The following FANCB variants were observed in gnomAD, a reference collection of about 807,000 sequenced individuals.
The protein encoded by FANCB is Fanconi anemia group B protein.
FANCB carries 5 observed loss-of-function variants against 38.9 expected under a neutral mutation model. That is an observed-to-expected ratio of 0.13 (90% CI 0.07 to 0.27). The LOEUF (loss-of-function observed/expected upper bound fraction) is 0.27. FANCB is among the 10% of genes least tolerant of loss of function. FANCB has a pLI of 1.00. For synonymous variants in FANCB, 236 were observed against 215.4 expected (o/e 1.10, Z -0.84); for missense variants, 573 against 602.7 (o/e 0.95, Z 0.52).
chrX:14,781,475 A>C, the FANCB span, among the ~76,000 whole-genome samples: 2 of 111,691 alleles, frequency 1.8e-5, no homozygotes, highest in African/African-American at 6.5e-5. Flanking sequence ...CTTTTAAAAA[A>C]AATAAAAGAT....
chrX:14,840,327 T>C (rs1294023382), downstream of FANCB, among the ~76,000 whole-genome samples: 1 of 112,059 alleles, frequency 8.9e-6, no homozygotes, highest in Admixed American at 9.4e-5. Flanking sequence ...GGCCACCTAC[T>C]TCCAGCCTGA....
chrX:14,743,728 T>C, the FANCB span, among the ~76,000 whole-genome samples: 1 of 110,978 alleles, frequency 9.0e-6, no homozygotes, highest in African/African-American at 3.3e-5. Context: ...AAGCCAGAAG[T>C]ATGAAATCAA....
At chrX:14,858,838 A>C (rs2092434271) in intron 4 of FANCB, among the ~76,000 whole-genome samples, 1 of 111,759 alleles carries the variant, frequency 8.9e-6, no homozygotes, top group Non-Finnish European at 1.9e-5. Context: ...TTACTAAAGC[A>C]ATTTTGCTTC....
the FANCB span, among the ~76,000 whole-genome samples, chrX:14,795,441 T>C: frequency 9.0e-6 from 1 of 111,142 alleles, no homozygotes; most frequent in Non-Finnish European, 1.9e-5. Flanking sequence ...AAATCATGAG[T>C]AGTTTTAATG....
the FANCB span, among the ~76,000 whole-genome samples, chrX:14,725,756 A>T: frequency 8.9e-6 from 1 of 112,374 alleles, no homozygotes; most frequent in Admixed American, 9.5e-5. Context: ...GGAATGAGCA[A>T]ATTTTACAAT....
the FANCB span, chrX:14,690,677 CTGTG>C: frequency 2.0e-5 from 15 of 758,766 alleles, no homozygotes; most frequent in Non-Finnish European, 2.5e-5. Context: ...CTCTCTCTCT[CTGTG>C]TGTGTGTGTG....
At chrX:14,852,482 T>C (rs974125371) in intron 6 of FANCB, among the ~76,000 whole-genome samples, 2 of 110,884 alleles carry the variant, frequency 1.8e-5, no homozygotes, top group Admixed American at 1.9e-4. Context: ...GAGGATCTTA[T>C]GATGATCAGC....
the FANCB span, among the ~76,000 whole-genome samples, chrX:14,708,387 ACAGTAGGAGGGGT>A: frequency 1.3e-4 from 15 of 111,716 alleles, no homozygotes; most frequent in East Asian, 4.2e-3. Context: ...AGTCACAGAC[ACAGTAGGAGGGGT>A]CATTTGGTTG....
chrX:14,828,552 T>A, the FANCB span, among the ~76,000 whole-genome samples: 278 of 111,917 alleles, frequency 2.5e-3, 4 homozygotes, highest in African/African-American at 8.6e-3. Context: ...AGGTTGATCA[T>A]GAGATTGCAG....
the FANCB span, among the ~76,000 whole-genome samples, chrX:14,808,190 G>A: frequency 9.0e-6 from 1 of 111,688 alleles, no homozygotes; most frequent in African/African-American, 3.3e-5. Context: ...AGAGGAGGAG[G>A]GAATACTTCC....
the FANCB span, among the ~76,000 whole-genome samples, chrX:14,696,203 G>C: frequency 1.0e-5 from 1 of 97,478 alleles, no homozygotes; most frequent in East Asian, 3.5e-4. Flanking sequence ...AGGGAGAATG[G>C]GATGGAGGGA....
At chrX:14,707,961 C>A in the FANCB span, among the ~76,000 whole-genome samples, 1 of 110,574 alleles carries the variant, frequency 9.0e-6, no homozygotes, top group Non-Finnish European at 1.9e-5. Flanking sequence ...ACATTGTTAC[C>A]AGTTTCTTTT....
the FANCB span, among the ~76,000 whole-genome samples, chrX:14,710,741 T>C: frequency 8.9e-5 from 10 of 111,800 alleles, no homozygotes; most frequent in African/African-American, 2.6e-4. Flanking sequence ...TAGCAGGACA[T>C]AGCTTATCAA....
At position 14,844,514 on chromosome X, in the gene FANCB, T is replaced by C. The variant is rs2092367373; in HGVS notation, c.2154A>G (p.Ile718Met). ...KQRTPFEGIL[I>M]IYSRNQTVMF... is the part of the protein sequence containing the mutation. Reference sequence around the variant, plus strand: ...TTAATATGCATTACCTGGAATAGATTATTAAAATCCCTTCGAATGGTGTTC... The same window carrying C: ...TTAATATGCATTACCTGGAATAGATCATTAAAATCCCTTCGAATGGTGTTC... Residue 718 changes from isoleucine to methionine, a missense_variant, in exon 9 of 10, where the codon ATA (isoleucine) becomes ATG (methionine). By Grantham distance (10) the Ile-to-Met change is conservative. Transcript: ENST00000650831. The C allele has an allele frequency of 8.4e-7, 1 of 1,188,337 alleles. No individual in the cohort carries two copies. Among genetic ancestry groups the C allele is most frequent in the Non-Finnish European group, 1.1e-6 (1 of 874,155 alleles).
the FANCB span, among the ~76,000 whole-genome samples, chrX:14,734,697 T>G: frequency 1.8e-5 from 2 of 111,184 alleles, no homozygotes; most frequent in Admixed American, 1.9e-4. Flanking sequence ...GATGATTATG[T>G]GTCTTGGGGT....
chrX:14,794,927 C>A, the FANCB span, among the ~76,000 whole-genome samples: 1 of 112,670 alleles, frequency 8.9e-6, no homozygotes, highest in Non-Finnish European at 1.9e-5. Context: ...TTTCACCTGA[C>A]AATAGCTGTT....
chrX:14,739,315 A>G, the FANCB span, among the ~76,000 whole-genome samples: 1 of 112,008 alleles, frequency 8.9e-6, no homozygotes, highest in Non-Finnish European at 1.9e-5. Context: ...CAAAGAGTCA[A>G]TATACACCCT....
At chrX:14,775,160 GTTTTTTTT>G in the FANCB span, among the ~76,000 whole-genome samples, 3 of 35,001 alleles carry the variant, frequency 8.6e-5, no homozygotes, top group African/African-American at 1.8e-4. Flanking sequence ...TTTCTCTAAT[GTTTTTTTT>G]TTTTTTTTTT....
chrX:14,769,639 T>C, the FANCB span, among the ~76,000 whole-genome samples: 2 of 111,673 alleles, frequency 1.8e-5, no homozygotes, highest in East Asian at 2.8e-4. Context: ...TGAAGGGTTT[T>C]AGTGTCTCCA....
Sources: allele counts gnomAD v4.1 joint callset (sites outside exome capture counted in the v4.1 genomes callset), GRCh38; gene constraint gnomAD v4.1.1; transcripts MANE v1.5; gene names NCBI Gene and HGNC (gene_info 2026-07-23, HGNC 2026-07-21).